ADK: variants seen among roughly 807,000 people sequenced by gnomAD.
The protein encoded by ADK is N6,N6-dimethyladenosine kinase.
Under a neutral mutation model 44.7 loss-of-function variants are expected in ADK, and 24 were observed. The ratio of observed to expected loss-of-function variants is 0.54; its 90% CI spans 0.39 to 0.76. The LOEUF (loss-of-function observed/expected upper bound fraction) is 0.76, where lower values mean the gene tolerates loss of function less well. Ranked by LOEUF, ADK falls within the 30% of genes least tolerant of loss-of-function variation. The probability of loss-of-function intolerance (pLI) is 0.00; values close to 1 mark genes in which losing one functional copy is unlikely to be tolerated. For missense variants in ADK, 321 were observed against 425.1 expected (o/e 0.76, Z 2.15); for synonymous variants, 128 against 142.6 (o/e 0.90, Z 0.73).
intron 6 of ADK, among the ~76,000 whole-genome samples, chr10:74,413,493 T>C (rs1844259165): frequency 6.6e-6 from 1 of 152,248 alleles, no homozygotes; most frequent in African/African-American, 2.4e-5. Flanking sequence ...TAGCCTCTCT[T>C]AGCTTCAGAC....
chr10:74,581,489 G>A (rs911198359), intron 7 of ADK, among the ~76,000 whole-genome samples: 1 of 152,008 alleles, frequency 6.6e-6, no homozygotes, highest in African/African-American at 2.4e-5. Flanking sequence ...GGGGCAGGGA[G>A]ACAGAAAAAA....
chr10:74,297,183 A>G (rs780063996), intron 3 of ADK, among the ~76,000 whole-genome samples: 1 of 152,180 alleles, frequency 6.6e-6, no homozygotes. Flanking sequence ...GTGCATAGTA[A>G]GTTTCTGAAG....
At chr10:74,175,728 C>G (rs958851969) in intron 1 of ADK, among the ~76,000 whole-genome samples, 6 of 152,006 alleles carry the variant, frequency 3.9e-5, no homozygotes, top group Non-Finnish European at 2.9e-5. Context: ...GAGTTCAAGA[C>G]CAGCCTGGGC....
chr10:74,700,602 T>TA (rs1443624012), intron 10 of ADK, among the ~76,000 whole-genome samples: 3 of 151,478 alleles, frequency 2.0e-5, no homozygotes, highest in Non-Finnish European at 4.4e-5. Flanking sequence ...TATAGTGTAT[T>TA]ACCTCCTTTT....
intron 3 of ADK, among the ~76,000 whole-genome samples, chr10:74,261,245 T>C (rs941903959): frequency 1.3e-5 from 2 of 152,228 alleles, no homozygotes; most frequent in African/African-American, 4.8e-5. Flanking sequence ...ATTTGCTTGG[T>C]TTCCTATTGG....
At chr10:74,320,229 G>T (rs972311412) in intron 4 of ADK, among the ~76,000 whole-genome samples, 1 of 152,090 alleles carries the variant, frequency 6.6e-6, no homozygotes, top group Non-Finnish European at 1.5e-5. Context: ...TAGTTTTGTT[G>T]GATATAGAAT....
intron 3 of ADK, 84 bp downstream of exon 3, chr10:74,224,675 A>G: frequency 9.2e-7 from 1 of 1,090,486 alleles, no homozygotes; most frequent in Admixed American, 1.9e-5. Context: ...CTGATTTTCA[A>G]AATTATATAA....
chr10:74,582,158 A>G (rs1851393671), intron 7 of ADK, among the ~76,000 whole-genome samples: 1 of 152,108 alleles, frequency 6.6e-6, no homozygotes, highest in South Asian at 2.1e-4. Context: ...CCCTGTCTCT[A>G]CAAAAAAATA....
rs562550789 is a variant in ADK at position 74,608,378 on chromosome 10, T to G, written c.877+7885T>G. On this transcript the variant is annotated intron_variant, in intron 9 of 10. Coordinates refer to ENST00000539909, the MANE Select transcript of ADK (RefSeq NM_006721.4). Reference sequence around the variant, plus strand: ...CCTTATCTTCGTGGATTTATCTACCTTTGGTCTTTGATGCTGGTGACCTTC... The same window carrying G: ...CCTTATCTTCGTGGATTTATCTACCGTTGGTCTTTGATGCTGGTGACCTTC... Among the ~76,000 whole-genome samples, 182 of 152,244 alleles carry G rather than the reference T, an allele frequency of 1.2e-3. 3 individuals are homozygous for G. Among genetic ancestry groups the G allele is most frequent in the Non-Finnish European group, 2.3e-3 (156 of 67,988 alleles).
chr10:74,391,938 G>A (rs1024978045), intron 4 of ADK, among the ~76,000 whole-genome samples: 21 of 152,142 alleles, frequency 1.4e-4, no homozygotes, highest in African/African-American at 5.1e-4. Context: ...TCCTATGAAT[G>A]GAATCATACA....
At chr10:74,256,318 T>A (rs1845822062) in intron 3 of ADK, among the ~76,000 whole-genome samples, 1 of 152,090 alleles carries the variant, frequency 6.6e-6, no homozygotes, top group African/African-American at 2.4e-5. Flanking sequence ...TTTGAAAGAG[T>A]ACTTAACATT....
chr10:74,359,799 TTTCTC>T (rs1592098319), intron 4 of ADK, among the ~76,000 whole-genome samples: 2 of 152,170 alleles, frequency 1.3e-5, no homozygotes, highest in East Asian at 1.9e-4. Flanking sequence ...TTTTTTTCCT[TTTCTC>T]TTCAGTTTCT....
intron 4 of ADK, among the ~76,000 whole-genome samples, chr10:74,334,563 C>T (rs1841343843): frequency 6.6e-6 from 1 of 152,078 alleles, no homozygotes; most frequent in African/African-American, 2.4e-5. Context: ...CTGCCTGCAT[C>T]CATGAATTAG....
chr10:74,684,561 A>G (rs1855724157), intron 10 of ADK, among the ~76,000 whole-genome samples: 2 of 152,186 alleles, frequency 1.3e-5, no homozygotes, highest in African/African-American at 2.4e-5. Flanking sequence ...ACTTGAGCCT[A>G]GGAGTTCAAA....
chr10:74,281,882 G>GA (rs1316963142), intron 3 of ADK, among the ~76,000 whole-genome samples: 3 of 152,108 alleles, frequency 2.0e-5, no homozygotes, highest in Non-Finnish European at 4.4e-5. Flanking sequence ...TAGTTGTTTG[G>GA]AAAAATTGGT....
chr10:74,607,091 T>C (rs866771243), intron 9 of ADK, among the ~76,000 whole-genome samples: 16 of 152,166 alleles, frequency 1.1e-4, no homozygotes, highest in South Asian at 4.1e-4. Context: ...TTTGTAAATA[T>C]TCCTCCATCC....
At chr10:74,166,970 G>A (rs1842052723) in intron 1 of ADK, among the ~76,000 whole-genome samples, 1 of 152,164 alleles carries the variant, frequency 6.6e-6, no homozygotes, top group Admixed American at 6.5e-5. Context: ...TAAGTGAGTT[G>A]TATAGACTAA....
intron 2 of ADK, among the ~76,000 whole-genome samples, chr10:74,211,137 A>G (rs1257729193): frequency 6.6e-6 from 1 of 152,116 alleles, no homozygotes; most frequent in Non-Finnish European, 1.5e-5. Context: ...CACCCACCTC[A>G]GCCTCCCAAA....
intron 2 of ADK, among the ~76,000 whole-genome samples, chr10:74,221,384 T>C (rs1257639383): frequency 1.5e-4 from 23 of 151,144 alleles, no homozygotes; most frequent in Middle Eastern, 3.4e-3. Flanking sequence ...TACAAACAAA[T>C]GGAAGAACAT....
Sources: gnomAD v4.1 joint callset for allele counts (sites outside exome capture counted in the v4.1 genomes callset) on GRCh38, gnomAD v4.1.1 for gene constraint, MANE v1.5 for transcripts, NCBI Gene and HGNC (gene_info 2026-07-23, HGNC 2026-07-21) for gene names.